Variants in FERMT2 observed in about 807,000 individuals in gnomAD.
FERMT2 encodes the protein FERM domain containing kindlin 2.
FERMT2 carries 15 observed loss-of-function variants against 82.7 expected under a neutral mutation model. The observed-to-expected ratio is 0.18, with a 90% confidence interval of 0.12 to 0.28. FERMT2 has a LOEUF of 0.28. FERMT2 is among the 10% of genes least tolerant of loss of function. The pLI is 1.00. For missense variants in FERMT2, 645 were observed against 809.4 expected, an observed-to-expected ratio of 0.80 and a Z score of 2.46; for synonymous variants, 274 against 271.5, an observed-to-expected ratio of 1.01 and a Z score of -0.09.
intron 2 of FERMT2, among the ~76,000 whole-genome samples, chr14:52,945,533 C>T (rs1372460054): frequency 1.3e-5 from 2 of 152,078 alleles, no homozygotes; most frequent in East Asian, 1.9e-4. Context: ...GTATTACAGG[C>T]GTGAGCCACC....
Position 52,950,683 on chromosome 14 carries a change from C to A in FERMT2, c.-9-106G>T. On this transcript the variant is annotated intron_variant, in intron 1 of 14. Transcript: ENST00000341590. The stretch of plus-strand genomic sequence containing the variant: ...CACGGGCTGGGAGGTGGTGGAGGAC[C>A]CGGGGCTTTCGGCAGAAACTCGGGA... 3 of 1,170,314 alleles carry A rather than the reference C, an allele frequency of 2.6e-6. No individual in the cohort carries two copies. The South Asian group carries it at 4.3e-5, about 17-fold the overall frequency. 72.5% of individuals were successfully genotyped at this position (1,170,314 alleles called of 1,614,324 possible). A position where few individuals can be genotyped will look rare whatever the true frequency, so the allele number is the denominator to read the frequency against.
At chr14:52,910,325 G>A (rs967105227) in intron 3 of FERMT2, among the ~76,000 whole-genome samples, 15 of 152,066 alleles carry the variant, frequency 9.9e-5, no homozygotes, top group African/African-American at 2.9e-4. Context: ...ATCTAAAGCC[G>A]AAAGACCCAA....
chr14:52,891,137 C>T (rs1886916099), intron 4 of FERMT2, among the ~76,000 whole-genome samples: 1 of 152,258 alleles, frequency 6.6e-6, no homozygotes, highest in Non-Finnish European at 1.5e-5. Context: ...TGAAGGAGCT[C>T]GGAGGTCTCT....
intron 2 of FERMT2, among the ~76,000 whole-genome samples, chr14:52,926,973 AT>A (rs1889308602): frequency 6.6e-6 from 1 of 152,202 alleles, no homozygotes; most frequent in Non-Finnish European, 1.5e-5. Flanking sequence ...TATTTAACAG[AT>A]CCCATCACAC....
chr14:52,861,993 T>C (rs541588417), intron 12 of FERMT2: 1 of 152,156 alleles, frequency 6.6e-6, no homozygotes, highest in Non-Finnish European at 1.5e-5. Flanking sequence ...TGACACACAG[T>C]AGCAACTAAA....
intron 7 of FERMT2, among the ~76,000 whole-genome samples, chr14:52,875,709 T>C (rs1389462256): frequency 1.3e-5 from 2 of 152,118 alleles, no homozygotes; most frequent in Non-Finnish European, 2.9e-5. Flanking sequence ...GGGCCTGTTA[T>C]CAAGAAATAT....
intron 2 of FERMT2, among the ~76,000 whole-genome samples, chr14:52,943,774 A>G (rs1403073560): frequency 1.3e-5 from 2 of 152,276 alleles, no homozygotes; most frequent in South Asian, 2.1e-4. Flanking sequence ...AAGATTACGC[A>G]GTGTTCACTC....
chr14:52,859,560 G>A lies in FERMT2; in HGVS notation c.1869+13C>T, dbSNP rs140299918. On this transcript the variant is annotated intron_variant, in intron 14 of 14. Transcript: ENST00000341590. ...AGAAGGACTATATTCAAGTAACATT[G>A]TTATGAGTTTACCATTTTGATTTCC... is the stretch of plus-strand genomic sequence containing the variant. The A allele has an allele frequency of 1.3e-6, 2 of 1,591,210 alleles. No individual in the cohort carries two copies. Among genetic ancestry groups the A allele is most frequent in the African/African-American group, 2.7e-5 (2 of 74,222 alleles).
In FERMT2 at chr14:52,913,583, T is replaced by A. The variant is rs913543185; in HGVS notation, c.391+5540A>T. 2.0e-5 allele frequency among the ~76,000 whole-genome samples: 3 copies of A among 151,918 alleles called. No individual in the cohort carries two copies. The East Asian group carries it at 5.8e-4, about 30-fold the overall frequency. ...AACTATCTGGACTTTATGGTTTCTGTAGGAGGGAGGTGGGCTTTGTCTCAC... is the reference window on the plus strand; with the variant it reads ...AACTATCTGGACTTTATGGTTTCTGAAGGAGGGAGGTGGGCTTTGTCTCAC... On this transcript the variant is annotated intron_variant, in intron 3 of 14. Transcript: ENST00000341590.
chr14:52,885,722 TA>T (rs1274499223), intron 4 of FERMT2, among the ~76,000 whole-genome samples: 2 of 152,180 alleles, frequency 1.3e-5, no homozygotes, highest in Non-Finnish European at 2.9e-5. Flanking sequence ...TTTAACACAG[TA>T]AAATTTACCT....
chr14:52,909,089 G>A (rs975343608), intron 3 of FERMT2, among the ~76,000 whole-genome samples: 7 of 152,126 alleles, frequency 4.6e-5, no homozygotes, highest in African/African-American at 1.7e-4. Context: ...GGGGCTTCTG[G>A]GATGTTCTGC....
At position 52,893,379 on chromosome 14, in the gene FERMT2, G is replaced by C. The variant is rs1279215241; in HGVS notation, c.440C>G (p.Pro147Arg). Residue 147 changes from proline to arginine, a missense_variant, in exon 4 of 15, where the codon CCA (proline) becomes CGA (arginine). Physicochemically the swap from Pro to Arg is moderately radical, Grantham distance 103 (BLOSUM62 -2). Transcript: ENST00000341590. ...ELSLLKKPRD[P>R]TKKKKKKLDD... Reference sequence around the variant, plus strand: ...TAGCTTCTTCTTTTTTTTCTTTGTTGGATCTCTGGGTTTCTTTAAGAGAGA... The same window carrying C: ...TAGCTTCTTCTTTTTTTTCTTTGTTCGATCTCTGGGTTTCTTTAAGAGAGA... 6.2e-7 allele frequency: 1 copy of C among 1,611,282 alleles called. No homozygotes were observed. Among genetic ancestry groups the C allele is most frequent in the South Asian group, 1.1e-5 (1 of 90,730 alleles).
chr14:52,872,188 T>C (rs897831437), intron 10 of FERMT2: 1 of 152,614 alleles, frequency 6.6e-6, no homozygotes, highest in Admixed American at 6.5e-5. Context: ...AGGCAGCCCC[T>C]GCAGAATAAG....
chr14:52,921,098 A>T (rs192357434), intron 2 of FERMT2, among the ~76,000 whole-genome samples: 1 of 152,280 alleles, frequency 6.6e-6, no homozygotes, highest in Non-Finnish European at 1.5e-5. Flanking sequence ...AAATTGAAAC[A>T]CACACACACA....
intron 4 of FERMT2, among the ~76,000 whole-genome samples, chr14:52,888,895 A>G (rs1466707337): frequency 6.6e-6 from 1 of 152,224 alleles, no homozygotes; most frequent in Non-Finnish European, 1.5e-5. Flanking sequence ...CAAGGCTACA[A>G]AAATTAAGTA....
At position 52,878,605 on chromosome 14, in the gene FERMT2, TTTC is replaced by T. The variant is rs769245976; in HGVS notation, c.937_939del (p.Glu313del). ...ACCTGCAGGGCTGCAAACATCATCATTTCTTCTTCTGTGCATTCAATCTCTTCC... is the reference window on the plus strand; with the variant it reads ...ACCTGCAGGGCTGCAAACATCATCATTTCTTCTGTGCATTCAATCTCTTCC... On this transcript the variant is annotated inframe_deletion, in exon 7 of 15. Transcript: ENST00000341590. 1.9e-6 allele frequency: 3 copies of T among 1,610,298 alleles called. No individual in the cohort carries two copies. The highest frequency in any genetic ancestry group is 1.1e-5 in the South Asian group (1 of 90,390).
rs1884708985 is a variant in FERMT2, at chr14:52,858,627, TAA to T, written c.1870-79_1870-78del. The T allele has an allele frequency of 8.9e-6, 12 of 1,344,816 alleles. No homozygotes were observed. In the South Asian group the frequency reaches 1.4e-4, roughly 16 times the overall value. 83.3% of individuals were successfully genotyped at this position (1,344,816 alleles called of 1,614,324 possible). On this transcript the variant is annotated intron_variant, in intron 14 of 14. Coordinates refer to ENST00000341590, the MANE Select transcript of FERMT2 (RefSeq NM_006832.3). ...GTCCACACAAAACTACTGTGCTACT[TAA>T]AGTCTGTCATATCACAAAACACTTG...
intron 8 of FERMT2, 139 bp downstream of exon 8, chr14:52,875,084 A>G: frequency 2.6e-6 from 2 of 782,536 alleles, no homozygotes; most frequent in Non-Finnish European, 3.9e-6. Context: ...AAAGTTCCTG[A>G]AAAATTAACA....
chr14:52,908,295 A>T (rs1487933395), intron 3 of FERMT2, among the ~76,000 whole-genome samples: 2 of 152,190 alleles, frequency 1.3e-5, no homozygotes, highest in Admixed American at 1.3e-4. Flanking sequence ...TGAAACATCC[A>T]CTTATCATAT....
Sources: allele counts gnomAD v4.1 joint callset (sites outside exome capture counted in the v4.1 genomes callset), GRCh38; gene constraint gnomAD v4.1.1; transcripts MANE v1.5; gene names NCBI Gene and HGNC (gene_info 2026-07-23, HGNC 2026-07-21).